The following DGKI variants were observed in gnomAD, a reference collection of about 807,000 sequenced individuals.
DGKI encodes diacylglycerol kinase iota, also known as DAG kinase iota.
Under a neutral mutation model 147.5 loss-of-function variants are expected in DGKI, and 55 were observed. The observed-to-expected ratio is 0.37, with a 90% CI of 0.30 to 0.47. The LOEUF (loss-of-function observed/expected upper bound fraction) is 0.47. Among genes scored for constraint, DGKI ranks in the 20% least tolerant of loss-of-function variants. The pLI is 1.00. For missense variants in DGKI, 1,007 were observed against 1,323.8 expected (o/e 0.76, Z 3.71); for synonymous variants, 469 against 477.1 (o/e 0.98, Z 0.22).
At chr7:137,754,444 T>C (rs1341081822) in intron 1 of DGKI, among the ~76,000 whole-genome samples, 1 of 152,202 alleles carries the variant, frequency 6.6e-6, no homozygotes, top group African/African-American at 2.4e-5. Context: ...GGGAGACTGC[T>C]GCGTGACCAG....
intron 20 of DGKI, among the ~76,000 whole-genome samples, chr7:137,547,806 G>A (rs1487321611): frequency 2.0e-5 from 3 of 152,194 alleles, no homozygotes; most frequent in Non-Finnish European, 4.4e-5. Context: ...ACACGTAAAG[G>A]TACATCTAAC....
chr7:137,464,727 A>G (rs1405877954), intron 26 of DGKI, among the ~76,000 whole-genome samples: 2 of 152,360 alleles, frequency 1.3e-5, no homozygotes, highest in African/African-American at 2.4e-5. Flanking sequence ...AACCAAAAAA[A>G]GTGAAAAAAA....
chr7:137,562,385 A>T (rs1426939510), intron 19 of DGKI, among the ~76,000 whole-genome samples: 1 of 152,150 alleles, frequency 6.6e-6, no homozygotes, highest in African/African-American at 2.4e-5. Context: ...AAAATACAAA[A>T]ATTAGCCGGC....
intron 31 of DGKI, among the ~76,000 whole-genome samples, chr7:137,396,366 G>A (rs1811552435): frequency 1.3e-5 from 2 of 152,236 alleles, no homozygotes; most frequent in Non-Finnish European, 2.9e-5. Flanking sequence ...CTCAGTGTGG[G>A]AAGGAGCAAG....
intron 29 of DGKI, among the ~76,000 whole-genome samples, chr7:137,410,618 C>CA (rs796542996): frequency 1.5e-4 from 23 of 151,642 alleles, no homozygotes; most frequent in South Asian, 1.5e-3. Flanking sequence ...TTTAAAAGTA[C>CA]AAAAAAAAGT....
At chr7:137,515,743 T>A (rs1384395271) in intron 21 of DGKI, among the ~76,000 whole-genome samples, 1 of 152,124 alleles carries the variant, frequency 6.6e-6, no homozygotes, top group Non-Finnish European at 1.5e-5. Context: ...TCTATCACAC[T>A]GAGATGTCGG....
intron 28 of DGKI, among the ~76,000 whole-genome samples, chr7:137,421,217 G>T (rs1359019956): frequency 1.3e-5 from 2 of 152,030 alleles, no homozygotes; most frequent in Non-Finnish European, 2.9e-5. Context: ...CATCATCCCT[G>T]GGATTAATCC....
intron 2 of DGKI, among the ~76,000 whole-genome samples, chr7:137,684,214 C>T (rs1000948179): frequency 2.0e-5 from 3 of 152,168 alleles, no homozygotes; most frequent in Non-Finnish European, 2.9e-5. Flanking sequence ...CAGATGGCTA[C>T]TGAGGACTTA....
chr7:137,432,368 C>G (rs1813112553), intron 28 of DGKI, among the ~76,000 whole-genome samples: 1 of 152,002 alleles, frequency 6.6e-6, no homozygotes, highest in Admixed American at 6.5e-5. Flanking sequence ...TCCCAAAAGC[C>G]CATGCAAATG....
At chr7:137,784,693 T>C (rs1796613973) in intron 1 of DGKI, among the ~76,000 whole-genome samples, 1 of 152,024 alleles carries the variant, frequency 6.6e-6, no homozygotes, top group Non-Finnish European at 1.5e-5. Context: ...CAGCACATGG[T>C]ACATTCTCCA....
intron 23 of DGKI, among the ~76,000 whole-genome samples, chr7:137,472,225 A>C (rs1308119525): frequency 9.0e-6 from 1 of 110,594 alleles, no homozygotes; most frequent in Non-Finnish European, 1.7e-5. Context: ...ATATGTATAT[A>C]TACATATAAT....
intron 11 of DGKI, among the ~76,000 whole-genome samples, chr7:137,598,721 ATGT>A (rs1236818239): frequency 6.6e-6 from 1 of 152,130 alleles, no homozygotes; most frequent in East Asian, 1.9e-4. Flanking sequence ...CTGTCCTACC[ATGT>A]TCTTTACGGT....
In DGKI at chr7:137,678,549, A is replaced by G. The variant is rs1263048044; in HGVS notation, c.606+8T>C. 1.2e-6 allele frequency: 2 copies of G among 1,613,888 alleles called. 1 individual carries two copies. The highest frequency in any genetic ancestry group is 2.2e-5 in the South Asian group (2 of 91,074). On this transcript the variant is annotated splice_region_variant and intron_variant, in intron 3 of 32. Coordinates refer to ENST00000614521, the MANE Select transcript of DGKI (RefSeq NM_001321708.2). ...GCCTTCCCCCAGCAAGACGGAGCGC[A>G]CACTCACTGCAAATCTGACTTGGCA...
intron 1 of DGKI, among the ~76,000 whole-genome samples, chr7:137,786,582 T>C (rs891511718): frequency 6.6e-6 from 1 of 150,416 alleles, no homozygotes; most frequent in Non-Finnish European, 1.5e-5. Flanking sequence ...CCCATCAAAA[T>C]ACCACCATCA....
chr7:137,767,903 G>A (rs551589872), intron 1 of DGKI, among the ~76,000 whole-genome samples: 2 of 152,236 alleles, frequency 1.3e-5, no homozygotes, highest in South Asian at 4.1e-4. Context: ...TAATAAAGGT[G>A]AGCTATTTTT....
chr7:137,424,428 C>A (rs1812699983), intron 28 of DGKI, among the ~76,000 whole-genome samples: 1 of 152,146 alleles, frequency 6.6e-6, no homozygotes, highest in Non-Finnish European at 1.5e-5. Flanking sequence ...CGAATATGAA[C>A]AGCTCCGGTC....
At chr7:137,610,657 T>A (rs1177480534) in intron 8 of DGKI, among the ~76,000 whole-genome samples, 2 of 152,238 alleles carry the variant, frequency 1.3e-5, no homozygotes, top group Non-Finnish European at 2.9e-5. Flanking sequence ...TATATATGCA[T>A]GCATTGTTTG....
chr7:137,765,292 G>A (rs780707690), intron 1 of DGKI, among the ~76,000 whole-genome samples: 21 of 152,044 alleles, frequency 1.4e-4, no homozygotes, highest in Non-Finnish European at 2.8e-4. Flanking sequence ...ATTATGTATC[G>A]TTGATTTTTT....
chr7:137,463,693 T>C, intron 26 of DGKI, 82 bp from the exon 27 acceptor site: 1 of 1,528,278 alleles, frequency 6.5e-7, no homozygotes, highest in South Asian at 1.2e-5. Flanking sequence ...AGATGAATCT[T>C]GCCAGTAAAT....
Sources: allele counts gnomAD v4.1 joint callset (sites outside exome capture counted in the v4.1 genomes callset), GRCh38; gene constraint gnomAD v4.1.1; transcripts MANE v1.5; gene names NCBI Gene and HGNC (gene_info 2026-07-23, HGNC 2026-07-21).